XPNPEP1: variants seen among roughly 807,000 people sequenced by gnomAD.
XPNPEP1 encodes xaa-Pro aminopeptidase 1.
XPNPEP1 carries 39 observed loss-of-function variants against 92.4 expected under a neutral mutation model. The observed-to-expected ratio is 0.42, with a 90% CI of 0.33 to 0.55. The LOEUF (loss-of-function observed/expected upper bound fraction) is 0.55, where lower values mean the gene tolerates loss of function less well. Ranked by LOEUF, XPNPEP1 falls within the 20% of genes least tolerant of loss-of-function variation. The pLI is 0.08. For missense variants in XPNPEP1, 654 were observed against 856.1 expected, an observed-to-expected ratio of 0.76 and a Z score of 2.95; for synonymous variants, 307 against 299.4, an observed-to-expected ratio of 1.03 and a Z score of -0.26.
At chr10:109,892,888 G>A (rs1564772129) in intron 4 of XPNPEP1, 124 bp downstream of exon 4, 1 of 936,920 alleles carries the variant, frequency 1.1e-6, no homozygotes, top group African/African-American at 1.6e-5. Flanking sequence ...TCTGCAGAGA[G>A]TCAATGTGGA....
At chr10:109,910,739 T>C (rs1849823157) in intron 2 of XPNPEP1, among the ~76,000 whole-genome samples, 1 of 152,214 alleles carries the variant, frequency 6.6e-6, no homozygotes, top group African/African-American at 2.4e-5. Context: ...AACATCTGTG[T>C]GCAGGTTTTA....
chr10:109,880,240 T>C lies in XPNPEP1; in HGVS notation c.1132-2A>G. On this transcript the variant is annotated splice_acceptor_variant, in intron 11 of 20. Transcript: ENST00000502935. LOFTEE classifies it high-confidence loss of function. ...ACAGAGAGCAACAGCATCTTTAATC[T>C]GTGCAAACAATGGAGACATTTTTTA... 2 of 1,613,894 alleles carry C rather than the reference T, an allele frequency of 1.2e-6. No homozygotes were observed. The highest frequency in any genetic ancestry group is 1.7e-6 in the Non-Finnish European group (2 of 1,180,036).
intron 7 of XPNPEP1, 89 bp from the exon 8 acceptor site, chr10:109,886,430 T>G: frequency 8.3e-7 from 1 of 1,208,068 alleles, no homozygotes; most frequent in Non-Finnish European, 1.2e-6. Flanking sequence ...ACATCTTTAA[T>G]CAGCACCATT....
chr10:109,886,675 ATGGGGCT>A (rs1476497019), intron 7 of XPNPEP1, among the ~76,000 whole-genome samples: 14 of 140,568 alleles, frequency 1.0e-4, no homozygotes, highest in Non-Finnish European at 2.1e-4. Flanking sequence ...CCCTGTCTTC[ATGGGGCT>A]TACAATATAG....
intron 3 of XPNPEP1, among the ~76,000 whole-genome samples, chr10:109,898,359 T>C (rs1849095787): frequency 6.6e-6 from 1 of 152,212 alleles, no homozygotes; most frequent in African/African-American, 2.4e-5. Context: ...TAAGAAACTA[T>C]CTTCTCGAAG....
At chr10:109,910,860 T>C (rs1168702604) in intron 2 of XPNPEP1, among the ~76,000 whole-genome samples, 1 of 152,252 alleles carries the variant, frequency 6.6e-6, no homozygotes, top group Non-Finnish European at 1.5e-5. Context: ...CATAACTCTG[T>C]AAGTAACACA....
chr10:109,888,082 T>C lies in XPNPEP1; in HGVS notation c.619A>G (p.Lys207Glu). 2.5e-6 allele frequency: 4 copies of C among 1,614,124 alleles called. No homozygotes were observed. Among genetic ancestry groups the C allele is most frequent in the Non-Finnish European group, 3.4e-6 (4 of 1,180,024 alleles). ...TCCAGGCCCAGTGTGAGGAGAGGCTTGCAAGGGCGCTCAGGACGGTCTGTC... is the reference window on the plus strand; with the variant it reads ...TCCAGGCCCAGTGTGAGGAGAGGCTCGCAAGGGCGCTCAGGACGGTCTGTC... ...IWTDRPERPC[K>E]PLLTLGLDYT... The change falls in exon 7 of 21, where the codon AAG (lysine) becomes GAG (glutamate). Residue 207 changes from lysine to glutamate, a missense_variant. Coordinates refer to ENST00000502935, the MANE Select transcript of XPNPEP1 (RefSeq NM_020383.4).
intron 3 of XPNPEP1, among the ~76,000 whole-genome samples, chr10:109,901,414 A>G (rs1220393780): frequency 6.6e-6 from 1 of 152,194 alleles, no homozygotes; most frequent in Non-Finnish European, 1.5e-5. Context: ...GTATAATTTA[A>G]AAAAAGATTT....
In XPNPEP1 at chr10:109,882,555, G is replaced by A; in HGVS notation, c.918C>T (p.Ile306=). 6.2e-7 allele frequency: 1 copy of A among 1,614,200 alleles called. No homozygotes were observed. Among genetic ancestry groups the A allele is most frequent in the Non-Finnish European group, 8.5e-7 (1 of 1,180,030 alleles). Residue 306 remains isoleucine (I), a synonymous_variant, in exon 10 of 21, where the codon ATC becomes ATT. Transcript: ENST00000502935. Reference sequence around the variant, plus strand: ...GGATGGACTTGTAGGGATGCACCTGGATCCTGTATTCGGCTTCCAGACCCA... The same window carrying A: ...GGATGGACTTGTAGGGATGCACCTGAATCCTGTATTCGGCTTCCAGACCCA... ...LDLGLEAEYR[I]QVHPYKSILS...
intron 3 of XPNPEP1, among the ~76,000 whole-genome samples, chr10:109,898,388 A>C (rs1167071680): frequency 6.6e-6 from 1 of 152,266 alleles, no homozygotes; most frequent in Non-Finnish European, 1.5e-5. Context: ...CGGCAATAGT[A>C]GACAGATATT....
intron 15 of XPNPEP1, among the ~76,000 whole-genome samples, chr10:109,873,893 C>T (rs1289641791): frequency 6.6e-6 from 1 of 152,112 alleles, no homozygotes; most frequent in African/African-American, 2.4e-5. Context: ...GAAAGCCATA[C>T]ATAATACAAT....
chr10:109,870,086 A>G, intron 18 of XPNPEP1, 57 bp from the exon 19 acceptor site: 2 of 1,585,256 alleles, frequency 1.3e-6, no homozygotes, highest in Non-Finnish European at 1.7e-6. Context: ...ATGTCTACAG[A>G]GAGAAACTTT....
At position 109,891,811 on chromosome 10, in the gene XPNPEP1, G is replaced by T. The variant is rs745333277; in HGVS notation, c.326C>A (p.Thr109Lys). ...FDGSAGTAII[T>K]EEHAAMWTDG... ...AGTCCACATGGCTGCATGCTCTTCTGTGATGATGGCTGTGCCTGAAGCAGG... is the reference window on the plus strand; with the variant it reads ...AGTCCACATGGCTGCATGCTCTTCTTTGATGATGGCTGTGCCTGAAGCAGG... Residue 109 changes from threonine (T) to lysine (K), a missense_variant, in exon 5 of 21, where the codon ACA becomes AAA. Transcript: ENST00000502935. 3.1e-6 allele frequency: 5 copies of T among 1,610,848 alleles called. No individual in the cohort carries two copies. The highest frequency in any genetic ancestry group is 8.5e-7 in the Non-Finnish European group (1 of 1,179,104).
At position 109,891,419 on chromosome 10, in the gene XPNPEP1, A is replaced by C. The variant is rs191490501; in HGVS notation, c.415+303T>G. 5.9e-5 allele frequency: 13 copies of C among 221,594 alleles called. No homozygotes were observed. In the East Asian group the frequency reaches 1.2e-3, roughly 21 times the overall value. The allele number at this position is 221,594 out of a possible 1,614,324, so 13.7% of individuals were successfully genotyped here. ...CACTCTGAATCATGAGGCAGCAAAT[A>C]GTAGAAGGCCCCCAGTACAGGAGTG... On this transcript the variant is annotated intron_variant, in intron 5 of 20. Transcript: ENST00000502935.
chr10:109,912,970 T>C (rs1849961109), intron 2 of XPNPEP1, among the ~76,000 whole-genome samples: 1 of 152,250 alleles, frequency 6.6e-6, no homozygotes, highest in African/African-American at 2.4e-5. Flanking sequence ...TGCTGTATTA[T>C]GACATCTGCT....
At chr10:109,897,366 T>C (rs910535467) in intron 3 of XPNPEP1, among the ~76,000 whole-genome samples, 1 of 152,210 alleles carries the variant, frequency 6.6e-6, no homozygotes, top group African/African-American at 2.4e-5. Flanking sequence ...GGCTCCCACA[T>C]TTCTGAATTT....
At chr10:109,882,677 G>A in intron 9 of XPNPEP1, 35 bp from the exon 10 acceptor site, 1 of 1,608,778 alleles carries the variant, frequency 6.2e-7, no homozygotes, top group South Asian at 1.1e-5. Context: ...GCAGAAAAAG[G>A]AGGGAACATG....
At chr10:109,908,095 T>C (rs1849656414) in intron 2 of XPNPEP1, among the ~76,000 whole-genome samples, 1 of 152,230 alleles carries the variant, frequency 6.6e-6, no homozygotes, top group African/African-American at 2.4e-5. Flanking sequence ...CCTAGGACTT[T>C]ATTCAAGAAT....
At chr10:109,910,570 C>G (rs922263061) in intron 2 of XPNPEP1, among the ~76,000 whole-genome samples, 7 of 151,680 alleles carry the variant, frequency 4.6e-5, no homozygotes, top group South Asian at 2.1e-4. Flanking sequence ...AGACAATATG[C>G]ATTTAAGGTT....
Sources: allele counts gnomAD v4.1 joint callset (sites outside exome capture counted in the v4.1 genomes callset), GRCh38; gene constraint gnomAD v4.1.1; transcripts MANE v1.5; gene names NCBI Gene and HGNC (gene_info 2026-07-23, HGNC 2026-07-21).